The following SV2B variants were observed in gnomAD, a reference collection of about 807,000 sequenced individuals.
SV2B encodes the protein synaptic vesicle glycoprotein 2B.
SV2B carries 41 observed loss-of-function variants against 73.9 expected under a neutral mutation model. The observed-to-expected ratio is 0.56, with a 90% CI of 0.43 to 0.72. The LOEUF is 0.72. Among genes scored for constraint, SV2B ranks in the 30% least tolerant of loss-of-function variants. The pLI is 0.00. For missense variants in SV2B, 764 were observed against 857.8 expected (o/e 0.89, Z 1.37); for synonymous variants, 314 against 314.2 (o/e 1.00, Z 0.01).
intron 6 of SV2B, among the ~76,000 whole-genome samples, chr15:91,264,113 G>A (rs747603761): frequency 5.3e-5 from 8 of 152,206 alleles, no homozygotes; most frequent in Non-Finnish European, 8.8e-5. Context: ...CCCCACTTGC[G>A]TCTTACTCTA....
At chr15:91,195,549 C>T (rs16945306) in intron 1 of SV2B, among the ~76,000 whole-genome samples, 4,946 of 152,160 alleles carry the variant, frequency 0.033, 255 homozygotes, top group African/African-American at 0.11. Context: ...AGGGTTGTTG[C>T]GAGGAATAAG....
At position 91,229,785 on chromosome 15, in the gene SV2B, G is replaced by A. The variant is rs965924007; in HGVS notation, c.451+3071G>A. 6.6e-5 allele frequency among the ~76,000 whole-genome samples: 10 copies of A among 152,162 alleles called. No homozygotes were observed. In the South Asian group the frequency reaches 8.3e-4, roughly 13 times the overall value. The stretch of plus-strand genomic sequence containing the variant: ...AAACTGATTGCTTGATAATGACTCA[G>A]GAACAGATTTTCTCAGGTGAGACTG... On this transcript the variant is annotated intron_variant, in intron 2 of 12. Coordinates refer to ENST00000394232, the MANE Select transcript of SV2B (RefSeq NM_001323032.3). The surrounding 1 kb of genome is among the most constrained non-coding windows in gnomAD (Gnocchi z 4.3).
chr15:91,287,621 C>T (rs1269964259), intron 11 of SV2B, among the ~76,000 whole-genome samples: 4 of 152,188 alleles, frequency 2.6e-5, no homozygotes, highest in Non-Finnish European at 5.9e-5. Flanking sequence ...TTTCTGTTCA[C>T]TCCCATCCCC....
At chr15:91,199,014 A>G (rs1454273789) in intron 1 of SV2B, among the ~76,000 whole-genome samples, 3 of 152,200 alleles carry the variant, frequency 2.0e-5, no homozygotes, top group Non-Finnish European at 4.4e-5. Context: ...AAACTTAAAA[A>G]GTCTACTCAT....
chr15:91,182,186 C>T (rs1567321923), intron 1 of SV2B, among the ~76,000 whole-genome samples: 2 of 152,042 alleles, frequency 1.3e-5, no homozygotes, highest in South Asian at 2.1e-4. Context: ...AATGCTTTTC[C>T]TATGATTAAT....
intron 2 of SV2B, among the ~76,000 whole-genome samples, chr15:91,248,031 GTGT>G (rs1457417011): frequency 2.0e-5 from 3 of 152,174 alleles, no homozygotes; most frequent in Non-Finnish European, 4.4e-5. Flanking sequence ...TTTGATCCAT[GTGT>G]ACAATGTCAT....
Position 91,140,175 on chromosome 15 carries a change from C to T in SV2B, c.-392+39812C>T, listed in dbSNP as rs969809655. Among the ~76,000 whole-genome samples, 1 of 152,162 alleles carries T rather than the reference C, an allele frequency of 6.6e-6. No individual in the cohort carries two copies. Among genetic ancestry groups the T allele is most frequent in the Non-Finnish European group, 1.5e-5 (1 of 68,032 alleles). ...AAACATTTCTGAGCTGTTGTCCATCCAGCTATTAACAAACATTCCGTGAGT... is the reference window on the plus strand; with the variant it reads ...AAACATTTCTGAGCTGTTGTCCATCTAGCTATTAACAAACATTCCGTGAGT... On this transcript the variant is annotated intron_variant, in intron 1 of 12. Transcript: ENST00000394232. The surrounding 1 kb of genome is among the most constrained non-coding windows in gnomAD (Gnocchi z 4.4).
Position 91,252,104 on chromosome 15 carries a change from GT to G in SV2B, c.632+110del, listed in dbSNP as rs2047510699. On this transcript the variant is annotated intron_variant, in intron 3 of 12. Coordinates refer to ENST00000394232, the MANE Select transcript of SV2B (RefSeq NM_001323032.3). The surrounding 1 kb of genome is among the most constrained non-coding windows in gnomAD (Gnocchi z 4.6). Reference sequence around the variant, plus strand: ...CTCTAGAAACCCTTGGACTGACTGAGTTTTTGTTTGACTTTCAGGATACTAT... The same window carrying G: ...CTCTAGAAACCCTTGGACTGACTGAGTTTTGTTTGACTTTCAGGATACTAT... 7.0e-7 allele frequency: 1 copy of G among 1,430,108 alleles called. No homozygotes were observed. 88.6% of individuals were successfully genotyped at this position (1,430,108 alleles called of 1,614,324 possible).
At chr15:91,150,910 C>T (rs1188907618) in intron 1 of SV2B, among the ~76,000 whole-genome samples, 2 of 152,182 alleles carry the variant, frequency 1.3e-5, no homozygotes, top group Non-Finnish European at 2.9e-5. Flanking sequence ...TGCACCCCCA[C>T]CCCTCTGCTC....
At chr15:91,100,230 G>A (rs900209064), upstream of SV2B, 3 of 152,198 alleles carry the variant, frequency 2.0e-5, no homozygotes, top group South Asian at 4.1e-4. This position sits in a 1 kb window ranked among gnomAD's most constrained non-coding sequence, Gnocchi z 6.4. Flanking sequence ...GGTGATGCAG[G>A]TGTGACACCC....
Position 91,121,686 on chromosome 15 carries a change from T to C in SV2B, c.-392+21323T>C, listed in dbSNP as rs554229267. 3.9e-4 allele frequency among the ~76,000 whole-genome samples: 59 copies of C among 152,074 alleles called. 1 individual carries two copies. Among genetic ancestry groups the C allele is most frequent in the Non-Finnish European group, 7.9e-4 (54 of 68,032 alleles). On this transcript the variant is annotated intron_variant, in intron 1 of 12. Coordinates refer to ENST00000394232, the MANE Select transcript of SV2B (RefSeq NM_001323032.3). The surrounding 1 kb of genome is among the most constrained non-coding windows in gnomAD (Gnocchi z 4.4). ...CACCAGCTCTCTTGAACCACATGGGTGCTTATCTTGCCCAGGGAATTAATT... is the reference window on the plus strand; with the variant it reads ...CACCAGCTCTCTTGAACCACATGGGCGCTTATCTTGCCCAGGGAATTAATT...
intron 1 of SV2B, among the ~76,000 whole-genome samples, chr15:91,159,560 T>C (rs1194273733): frequency 6.6e-6 from 1 of 152,148 alleles, no homozygotes; most frequent in Admixed American, 6.6e-5. Context: ...GAAGAATACT[T>C]CATAGAGAGG....
At position 91,251,881 on chromosome 15, in the gene SV2B, C is replaced by T; in HGVS notation, c.514C>T (p.Leu172=). The T allele has an allele frequency of 6.2e-7, 1 of 1,614,176 alleles. No homozygotes were observed. Among genetic ancestry groups the T allele is most frequent in the Non-Finnish European group, 8.5e-7 (1 of 1,180,034 alleles). ...AFILGGLADK[L]GRKRVLSMSL... Reference sequence around the variant, plus strand: ...CATCCTGGGAGGCCTGGCTGATAAGCTGGGAAGGAAGCGAGTCCTCAGCAT... The same window carrying T: ...CATCCTGGGAGGCCTGGCTGATAAGTTGGGAAGGAAGCGAGTCCTCAGCAT... Residue 172 remains leucine (L), a synonymous_variant, in exon 3 of 13, where the codon CTG becomes TTG. Coordinates refer to ENST00000394232, the MANE Select transcript of SV2B (RefSeq NM_001323032.3).
At chr15:91,282,674 C>T (rs751304738) in intron 10 of SV2B, among the ~76,000 whole-genome samples, 11 of 152,182 alleles carry the variant, frequency 7.2e-5, no homozygotes, top group Admixed American at 1.3e-4. Context: ...GCTCTGAAGC[C>T]TGCAATCTTT....
In SV2B at chr15:91,132,205, G is replaced by A. The variant is rs568786831; in HGVS notation, c.-392+31842G>A. ...GGCTCAAGAGCCCAGCTACAGAATC[G>A]TCTCGGGTCCAAATACCCTCTAGAA... On this transcript the variant is annotated intron_variant, in intron 1 of 12. Transcript: ENST00000394232. This position sits in a 1 kb window ranked among gnomAD's most constrained non-coding sequence, Gnocchi z 4.6. Among the ~76,000 whole-genome samples the A allele has an allele frequency of 2.6e-5, 4 of 152,314 alleles. No individual in the cohort carries two copies. Among genetic ancestry groups the A allele is most frequent in the African/African-American group, 7.2e-5 (3 of 41,572 alleles).
chr15:91,292,335 G>C, intron 12 of SV2B, 34 bp from the exon 13 acceptor site: 4 of 1,601,376 alleles, frequency 2.5e-6, no homozygotes, highest in Non-Finnish European at 3.4e-6. Flanking sequence ...ATGTGGTTCA[G>C]AATGTCAGAA....
At position 91,299,133 on chromosome 15, in the gene SV2B, C is replaced by A. The variant is rs2049352638; in HGVS notation, c.*6581C>A. 1 of 151,878 alleles carries A rather than the reference C, an allele frequency of 6.6e-6. No homozygotes were observed. Among genetic ancestry groups the A allele is most frequent in the African/African-American group, 2.4e-5 (1 of 41,294 alleles). The allele number at this position is 151,878 out of a possible 1,614,324, so 9.4% of individuals were successfully genotyped here. Reference sequence around the variant, plus strand: ...ATACACACACACATTATGTTATACACCATAAATATATAGAAGTTTTACTTG... The same window carrying A: ...ATACACACACACATTATGTTATACAACATAAATATATAGAAGTTTTACTTG... On this transcript the variant is annotated 3_prime_UTR_variant, in exon 13 of 13. Coordinates refer to ENST00000394232, the MANE Select transcript of SV2B (RefSeq NM_001323032.3).
At chr15:91,222,920 A>G (rs974763949) in intron 1 of SV2B, among the ~76,000 whole-genome samples, 5 of 152,238 alleles carry the variant, frequency 3.3e-5, no homozygotes, top group Admixed American at 1.3e-4. Flanking sequence ...TATTTCATAA[A>G]CACTAGGCTT....
rs191641381 is a variant in SV2B, at chr15:91,154,278, G to A, written c.-392+53915G>A. The stretch of plus-strand genomic sequence containing the variant: ...TCTCATCTCTGGAAAGAGACTATTT[G>A]GATGTCATGCATTCATCTTTTTGTA... On this transcript the variant is annotated intron_variant, in intron 1 of 12. Transcript: ENST00000394232. 3.8e-4 allele frequency among the ~76,000 whole-genome samples: 58 copies of A among 152,042 alleles called. No individual in the cohort carries two copies. The East Asian group carries it at 0.011, about 28-fold the overall frequency.
Sources: gnomAD v4.1 joint callset for allele counts (sites outside exome capture counted in the v4.1 genomes callset) on GRCh38, gnomAD v4.1.1 for gene constraint, Gnocchi (gnomAD v3.1) non-coding constraint, MANE v1.5 for transcripts, NCBI Gene and HGNC (gene_info 2026-07-23, HGNC 2026-07-21) for gene names.